The following LAMA3 variants were observed in gnomAD, a reference collection of about 807,000 sequenced individuals.
LAMA3 encodes the protein laminin subunit alpha-3.
Under a neutral mutation model 402.0 loss-of-function variants are expected in LAMA3, and 281 were observed. That is an observed-to-expected ratio of 0.70 (90% CI 0.63 to 0.77). The LOEUF is 0.77. LAMA3 is among the 30% of genes least tolerant of loss of function. The pLI is 0.00. For missense variants in LAMA3, 3,840 were observed against 4,215.5 expected, an observed-to-expected ratio of 0.91 and a Z score of 2.47; for synonymous variants, 1,431 against 1,558.4, an observed-to-expected ratio of 0.92 and a Z score of 1.93.
chr18:23,946,479 G>T (rs896486040), intron 70 of LAMA3, 195 bp downstream of exon 70: 22 of 669,848 alleles, frequency 3.3e-5, no homozygotes, highest in Middle Eastern at 4.1e-4. Flanking sequence ...TTTCTAAGGT[G>T]CAGGTTGAGA....
intron 23 of LAMA3, among the ~76,000 whole-genome samples, chr18:23,829,448 T>C (rs2063452097): frequency 6.6e-6 from 1 of 152,198 alleles, no homozygotes; most frequent in African/African-American, 2.4e-5. Flanking sequence ...TTTTGCATTG[T>C]CTTAGCTGTC....
At chr18:23,817,782 G>T (rs892999509) in intron 18 of LAMA3, among the ~76,000 whole-genome samples, 3 of 152,138 alleles carry the variant, frequency 2.0e-5, no homozygotes, top group Non-Finnish European at 4.4e-5. Flanking sequence ...TGGAGTAAAA[G>T]ATCTGTGAAG....
chr18:23,707,566 A>G (rs2060913222), intron 1 of LAMA3, among the ~76,000 whole-genome samples: 1 of 152,072 alleles, frequency 6.6e-6, no homozygotes, highest in Non-Finnish European at 1.5e-5. Context: ...ATTGGAGACT[A>G]TTTATCACTT....
At chr18:23,859,655 G>A (rs2064167319) in intron 34 of LAMA3, among the ~76,000 whole-genome samples, 1 of 152,174 alleles carries the variant, frequency 6.6e-6, no homozygotes, top group Non-Finnish European at 1.5e-5. Flanking sequence ...TCCAGGCATG[G>A]GAGTTAGGGC....
At chr18:23,909,344 G>GT in intron 55 of LAMA3, 49 bp downstream of exon 55, 1 of 1,539,244 alleles carries the variant, frequency 6.5e-7, no homozygotes, top group Non-Finnish European at 8.9e-7. Flanking sequence ...TCTTTAATGA[G>GT]TTATCACATT....
intron 12 of LAMA3, among the ~76,000 whole-genome samples, chr18:23,790,018 G>A (rs1180856182): frequency 6.6e-6 from 1 of 152,184 alleles, no homozygotes; most frequent in East Asian, 1.9e-4. Context: ...AAAAGGAATT[G>A]AAATCACAAG....
intron 12 of LAMA3, among the ~76,000 whole-genome samples, chr18:23,796,909 C>T (rs933861083): frequency 6.6e-6 from 1 of 152,082 alleles, no homozygotes; most frequent in Non-Finnish European, 1.5e-5. Flanking sequence ...TCTGACCTCA[C>T]CGGAAGCATG....
chr18:23,732,073 G>T (rs2061403794), intron 2 of LAMA3, among the ~76,000 whole-genome samples: 2 of 152,160 alleles, frequency 1.3e-5, no homozygotes, highest in African/African-American at 4.8e-5. Flanking sequence ...CTGAACCAGT[G>T]CTTCCCAAAC....
At chr18:23,883,388 T>C (rs2064966372) in intron 40 of LAMA3, among the ~76,000 whole-genome samples, 1 of 152,204 alleles carries the variant, frequency 6.6e-6, no homozygotes, top group Non-Finnish European at 1.5e-5. Flanking sequence ...GGGTTCACTG[T>C]GGGCCCAAGC....
intron 1 of LAMA3, among the ~76,000 whole-genome samples, chr18:23,707,738 G>A (rs905879380): frequency 4.2e-4 from 64 of 151,792 alleles, no homozygotes; most frequent in Middle Eastern, 3.4e-3. Flanking sequence ...TGGGCTCAAG[G>A]AAACAAAATT....
chr18:23,690,115 C>A, intron 1 of LAMA3, 138 bp downstream of exon 1: 1 of 678,442 alleles, frequency 1.5e-6, no homozygotes, highest in Non-Finnish European at 2.3e-6. Flanking sequence ...CCCATCCCCG[C>A]GCGCGAGGGC....
chr18:23,830,806 G>C lies in LAMA3; in HGVS notation c.2824-3022G>C, dbSNP rs370574589. 2.0e-5 allele frequency among the ~76,000 whole-genome samples: 3 copies of C among 151,980 alleles called. No individual in the cohort carries two copies. In the South Asian group the frequency reaches 6.2e-4, roughly 31 times the overall value. On this transcript the variant is annotated intron_variant, in intron 23 of 74. Coordinates refer to ENST00000313654, the MANE Select transcript of LAMA3 (RefSeq NM_198129.4). ...AGTCTGATCCATGGCAATTGTATCAGACCCACCTCCACACAGATACCTCCC... is the reference window on the plus strand; with the variant it reads ...AGTCTGATCCATGGCAATTGTATCACACCCACCTCCACACAGATACCTCCC...
chr18:23,876,316 G>C lies in LAMA3; in HGVS notation c.5021G>C (p.Arg1674Pro). The C allele has an allele frequency of 6.2e-7, 1 of 1,613,438 alleles. No individual in the cohort carries two copies. Among genetic ancestry groups the C allele is most frequent in the Non-Finnish European group, 8.5e-7 (1 of 1,179,336 alleles). Residue 1674 changes from arginine to proline, a missense_variant, in exon 39 of 75, where the codon CGG becomes CCG. Transcript: ENST00000313654. ...TAGGGTTGTAGCCCTGGATACTATC[G>C]GGATCATAAAGGCTTGTATACCGGA... ...SCQGCSPGYY[R>P]DHKGLYTGRC...
chr18:23,691,957 A>C (rs1290873758), intron 1 of LAMA3, among the ~76,000 whole-genome samples: 2 of 152,258 alleles, frequency 1.3e-5, no homozygotes, highest in Non-Finnish European at 2.9e-5. Flanking sequence ...GAAGAACTGC[A>C]TTGACCAGTC....
chr18:23,860,685 A>C (rs1598940958), intron 34 of LAMA3, among the ~76,000 whole-genome samples: 2 of 136,432 alleles, frequency 1.5e-5, no homozygotes, highest in Non-Finnish European at 1.5e-5. Flanking sequence ...ACAAGTACTC[A>C]AAAAAAGATT....
intron 1 of LAMA3, chr18:23,709,808 G>T: frequency 1.5e-6 from 1 of 648,124 alleles, no homozygotes; most frequent in African/African-American, 1.8e-5. Flanking sequence ...GAATTAGCCA[G>T]CCAGACTCAG....
chr18:23,913,696 C>T (rs1775430001), intron 56 of LAMA3, among the ~76,000 whole-genome samples: 1 of 152,190 alleles, frequency 6.6e-6, no homozygotes, highest in South Asian at 2.1e-4. Flanking sequence ...GCTAATTACT[C>T]TTCCATGCTT....
intron 35 of LAMA3, among the ~76,000 whole-genome samples, chr18:23,862,016 T>G (rs951299754): frequency 6.6e-6 from 1 of 152,226 alleles, no homozygotes; most frequent in African/African-American, 2.4e-5. Context: ...TTGCCATGCA[T>G]GAGCTACCAG....
rs376167972 is a variant in LAMA3, at chr18:23,884,811, G to A, written c.5261G>A (p.Arg1754Gln). The A allele has an allele frequency of 1.1e-5, 17 of 1,613,690 alleles. No homozygotes were observed. Among genetic ancestry groups the A allele is most frequent in the East Asian group, 2.2e-5 (1 of 44,880 alleles). Residue 1754 changes from arginine to glutamine, a missense_variant, in exon 41 of 75, where the codon CGG becomes CAG. By Grantham distance (43) the Arg-to-Gln change is conservative. Coordinates refer to ENST00000313654, the MANE Select transcript of LAMA3 (RefSeq NM_198129.4). ...TGCVVNGGDV[R>Q]CSCKAGYTGT... is the part of the protein sequence containing the mutation. ...TGTGTGGTGAATGGGGGAGACGTGCGGTGCTCCTGCAAAGCTGGGTACACA... is the reference window on the plus strand; with the variant it reads ...TGTGTGGTGAATGGGGGAGACGTGCAGTGCTCCTGCAAAGCTGGGTACACA...
Sources: gnomAD v4.1 joint callset for allele counts (sites outside exome capture counted in the v4.1 genomes callset) on GRCh38, gnomAD v4.1.1 for gene constraint, MANE v1.5 for transcripts, NCBI Gene and HGNC (gene_info 2026-07-23, HGNC 2026-07-21) for gene names.